The following NFAM1 variants were observed in gnomAD, a reference collection of about 807,000 sequenced individuals.
The protein encoded by NFAM1 is NFAT activation molecule 1.
NFAM1 carries 17 observed loss-of-function variants against 29.0 expected under a neutral mutation model. That is an observed-to-expected ratio of 0.59 (90% CI 0.40 to 0.88). NFAM1 has a LOEUF of 0.88. NFAM1 is among the 40% of genes least tolerant of loss of function. The pLI is 0.00. For synonymous variants in NFAM1, 175 were observed against 147.2 expected (o/e 1.19, Z -1.36); for missense variants, 324 against 344.6 (o/e 0.94, Z 0.47).
At chr22:42,410,502 T>C in intron 2 of NFAM1, 1 of 371,158 alleles carries the variant, frequency 2.7e-6, no homozygotes, top group South Asian at 1.9e-5. Context: ...CTATTAAAAA[T>C]ACAAAAAGTA....
intron 1 of NFAM1, among the ~76,000 whole-genome samples, chr22:42,417,737 T>C (rs1414387840): frequency 6.6e-6 from 1 of 151,992 alleles, no homozygotes; most frequent in Non-Finnish European, 1.5e-5. Context: ...TTGAACCTGC[T>C]GAATGTGGAT....
At chr22:42,437,734 G>A in the NFAM1 span, among the ~76,000 whole-genome samples, 2 of 152,208 alleles carry the variant, frequency 1.3e-5, no homozygotes, top group Non-Finnish European at 2.9e-5. Context: ...AGGGGTCCTG[G>A]GCTGCCCTGA....
intron 3 of NFAM1, among the ~76,000 whole-genome samples, chr22:42,398,708 C>T (rs1929622053): frequency 6.6e-6 from 1 of 152,112 alleles, no homozygotes. Context: ...CCACTGCACC[C>T]GGCCATGGGT....
chr22:42,408,183 C>G (rs185150003), intron 3 of NFAM1, among the ~76,000 whole-genome samples: 438 of 152,236 alleles, frequency 2.9e-3, no homozygotes, highest in Admixed American at 7.1e-3. Context: ...CATGAGCCAC[C>G]GTGCTCAGCC....
chr22:42,431,517 ATGGGACCCTCC>A (rs1190964726), intron 1 of NFAM1, among the ~76,000 whole-genome samples: 1 of 152,140 alleles, frequency 6.6e-6, no homozygotes, highest in Non-Finnish European at 1.5e-5. Context: ...CAGCCCTGGA[ATGGGACCCTCC>A]TGGGCCGTCC....
chr22:42,428,345 A>G (rs1930689857), intron 1 of NFAM1, among the ~76,000 whole-genome samples: 1 of 152,202 alleles, frequency 6.6e-6, no homozygotes, highest in Non-Finnish European at 1.5e-5. Context: ...GACAAAGATG[A>G]AAAACAGAGG....
chr22:42,416,341 A>C (rs963604264), intron 1 of NFAM1, among the ~76,000 whole-genome samples: 2 of 152,184 alleles, frequency 1.3e-5, no homozygotes, highest in Non-Finnish European at 2.9e-5. Context: ...TTAAAGGCCC[A>C]AAACCACAGA....
chr22:42,394,505 A>G (rs2070276516), intron 4 of NFAM1, among the ~76,000 whole-genome samples: 1 of 152,212 alleles, frequency 6.6e-6, no homozygotes, highest in African/African-American at 2.4e-5. Context: ...AGCAAATCAC[A>G]TTTAAGTAAC....
chr22:42,428,716 T>C (rs1182629083), intron 1 of NFAM1, among the ~76,000 whole-genome samples: 3 of 152,166 alleles, frequency 2.0e-5, no homozygotes, highest in African/African-American at 7.2e-5. Context: ...CCGGTCCTTT[T>C]CAATGGATAT....
intron 1 of NFAM1, among the ~76,000 whole-genome samples, chr22:42,418,037 C>T (rs1449929301): frequency 6.6e-6 from 1 of 152,344 alleles, no homozygotes; most frequent in South Asian, 2.1e-4. Context: ...GGGGGTGACA[C>T]ACCCTCCATC....
chr22:42,432,190 A>T (rs1401335028), intron 1 of NFAM1, 47 bp downstream of exon 1: 13 of 1,497,834 alleles, frequency 8.7e-6, no homozygotes, highest in Non-Finnish European at 1.1e-5. Context: ...AGCCGCTCTG[A>T]TGTTCTGGAG....
chr22:42,383,067 C>G lies in NFAM1; in HGVS notation c.*2094G>C, dbSNP rs939881213. The G allele has an allele frequency of 6.5e-6, 1 of 154,004 alleles. No individual in the cohort carries two copies. The highest frequency in any genetic ancestry group is 2.4e-5 in the African/African-American group (1 of 41,474). 9.5% of individuals were successfully genotyped at this position (154,004 alleles called of 1,614,324 possible). On this transcript the variant is annotated 3_prime_UTR_variant, in exon 6 of 6. Coordinates refer to ENST00000329021, the MANE Select transcript of NFAM1 (RefSeq NM_145912.8). ...GGGTTTAATCGGGGTCTGTCGGTGG[C>G]AGGGCAGCTGCAGGGAGGCCGTGTT...
chr22:42,415,294 CTTTTTT>C (rs398037250), intron 1 of NFAM1, among the ~76,000 whole-genome samples: 2 of 94,832 alleles, frequency 2.1e-5, no homozygotes, highest in Non-Finnish European at 2.0e-5. Context: ...TTCTTTCTTT[CTTTTTT>C]TTTTTTTTTT....
chr22:42,419,998 T>TTG lies in NFAM1; in HGVS notation c.122-8263_122-8262insCA, dbSNP rs1930387338. Among the ~76,000 whole-genome samples the TTG allele has an allele frequency of 3.8e-5, 1 of 25,976 alleles. No homozygotes were observed. Among genetic ancestry groups the TTG allele is most frequent in the Non-Finnish European group, 7.1e-5 (1 of 14,168 alleles). The allele number at this position is 25,976 out of a possible 152,430, so 17.0% of individuals were successfully genotyped here. The stretch of plus-strand genomic sequence containing the variant: ...CTGTAATCCCACTCTTGGTTTTTTT[T>TTG]TTTTTTTTTTTTTTTTTTTTTTTTT... On this transcript the variant is annotated intron_variant, in intron 1 of 5. Coordinates refer to ENST00000329021, the MANE Select transcript of NFAM1 (RefSeq NM_145912.8). The surrounding 1 kb of genome is among the most constrained non-coding windows in gnomAD (Gnocchi z 4.5).
At chr22:42,437,691 A>G in the NFAM1 span, among the ~76,000 whole-genome samples, 1 of 152,130 alleles carries the variant, frequency 6.6e-6, no homozygotes, top group Non-Finnish European at 1.5e-5. Context: ...CCCTCACCTG[A>G]GATTTCCTCT....
chr22:42,414,554 C>A (rs1262384743), intron 1 of NFAM1, among the ~76,000 whole-genome samples: 1 of 150,616 alleles, frequency 6.6e-6, no homozygotes, highest in Non-Finnish European at 1.5e-5. Flanking sequence ...GCCTGGGCAT[C>A]AAATTTTTTT....
rs1202614423 is a variant in NFAM1 at position 42,428,693 on chromosome 22, CTGGTGCCT to C, written c.121+3536_121+3543del. Among the ~76,000 whole-genome samples, 122 of 152,322 alleles carry C rather than the reference CTGGTGCCT, an allele frequency of 8.0e-4. 3 individuals carry two copies. In the East Asian group the frequency reaches 0.022, roughly 28 times the overall value. On this transcript the variant is annotated intron_variant, in intron 1 of 5. Coordinates refer to ENST00000329021, the MANE Select transcript of NFAM1 (RefSeq NM_145912.8). ...ATGGCTTGTTCACGTCTGGGTCCCTCTGGTGCCTAGAACCGGTCCTTTTCAATGGATAT... is the reference window on the plus strand; with the variant it reads ...ATGGCTTGTTCACGTCTGGGTCCCTCAGAACCGGTCCTTTTCAATGGATAT...
chr22:42,399,474 A>G (rs1240104751), intron 3 of NFAM1, among the ~76,000 whole-genome samples: 3 of 150,676 alleles, frequency 2.0e-5, no homozygotes, highest in African/African-American at 7.3e-5. Context: ...GAAAGAAAGA[A>G]AAAAAGAGAG....
Position 42,409,450 on chromosome 22 carries a change from C to G in NFAM1, c.549G>C (p.Leu183=). 6.6e-7 allele frequency: 1 copy of G among 1,504,444 alleles called. No individual in the cohort carries two copies. Among genetic ancestry groups the G allele is most frequent in the Middle Eastern group, 1.8e-4 (1 of 5,638 alleles). 93.2% of individuals were successfully genotyped at this position (1,504,444 alleles called of 1,614,324 possible). ...GATCCCGTACCTTGTTCCAGAGCAG[C>G]AGGGCCGTGCCCACTACACTCAGGA... ...LSVLSVVGTA[L]LLWNKKRMRG... is the part of the protein sequence containing the mutation. Residue 183 remains leucine (L), a synonymous_variant, in exon 3 of 6, where the codon CTG becomes CTC. Transcript: ENST00000329021. The surrounding 1 kb of genome is among the most constrained non-coding windows in gnomAD (Gnocchi z 4.9).
Sources: gnomAD v4.1 joint callset for allele counts (sites outside exome capture counted in the v4.1 genomes callset) on GRCh38, gnomAD v4.1.1 for gene constraint, Gnocchi (gnomAD v3.1) non-coding constraint, MANE v1.5 for transcripts, NCBI Gene and HGNC (gene_info 2026-07-23, HGNC 2026-07-21) for gene names.